BTG4: variants seen among roughly 807,000 people sequenced by gnomAD.
The protein encoded by BTG4 is BTG anti-proliferation factor 4.
Under a neutral mutation model 19.3 loss-of-function variants are expected in BTG4, and 10 were observed. The ratio of observed to expected loss-of-function variants is 0.52; its 90% confidence interval spans 0.32 to 0.88. The LOEUF is 0.88. Ranked by LOEUF, BTG4 falls within the 40% of genes least tolerant of loss-of-function variation. The probability of loss-of-function intolerance (pLI) is 0.04; values close to 1 mark genes in which losing one functional copy is unlikely to be tolerated. For synonymous variants in BTG4, 91 were observed against 95.7 expected (o/e 0.95, Z 0.29); for missense variants, 238 against 281.9 (o/e 0.84, Z 1.11).
intron 5 of BTG4, among the ~76,000 whole-genome samples, chr11:111,477,706 T>G (rs2135558131): frequency 6.6e-6 from 1 of 151,994 alleles, no homozygotes; most frequent in Non-Finnish European, 1.5e-5. Context: ...ATTCCAGACT[T>G]GGAAATAAAG....
At chr11:111,423,616 C>T in the BTG4 span, among the ~76,000 whole-genome samples, 1 of 152,228 alleles carries the variant, frequency 6.6e-6, no homozygotes, top group Non-Finnish European at 1.5e-5. Context: ...AAGCTGACAA[C>T]TTCCAAAGGA....
the BTG4 span, among the ~76,000 whole-genome samples, chr11:111,399,681 T>A: frequency 1.3e-5 from 2 of 152,170 alleles, no homozygotes; most frequent in Non-Finnish European, 2.9e-5. Context: ...AGGGAATTGA[T>A]CTCCTTGTTC....
the BTG4 span, among the ~76,000 whole-genome samples, chr11:111,441,915 C>G: frequency 1.3e-5 from 2 of 151,608 alleles, no homozygotes; most frequent in South Asian, 4.2e-4. Flanking sequence ...AAAAATTAGC[C>G]AGGCATGGTG....
downstream of BTG4, chr11:111,494,801 A>T (rs1410001648): frequency 1.2e-6 from 1 of 839,824 alleles, no homozygotes; most frequent in Non-Finnish European, 1.4e-6. Flanking sequence ...CTTGCAACAA[A>T]CTGAACTAAG....
downstream of BTG4, chr11:111,466,612 T>A (rs556719966): frequency 1.3e-5 from 2 of 152,238 alleles, no homozygotes; most frequent in African/African-American, 4.8e-5. Flanking sequence ...GGTGGGTGGA[T>A]GGATGGATGG....
At chr11:111,496,546 T>C (rs1002493766) in intron 4 of BTG4, 3 of 152,218 alleles carry the variant, frequency 2.0e-5, no homozygotes, top group African/African-American at 4.8e-5. Flanking sequence ...TAACATTTAA[T>C]ACATAGGTGA....
chr11:111,495,479 T>C (rs1465835757), intron 4 of BTG4, among the ~76,000 whole-genome samples, 165 bp from the exon 5 acceptor site: 3 of 152,206 alleles, frequency 2.0e-5, no homozygotes, highest in African/African-American at 7.2e-5. Flanking sequence ...GGCGGGAACA[T>C]AAATCACTTT....
At chr11:111,406,727 G>A in the BTG4 span, among the ~76,000 whole-genome samples, 2 of 152,330 alleles carry the variant, frequency 1.3e-5, no homozygotes, top group African/African-American at 4.8e-5. Context: ...AGCCACTGAA[G>A]AGCTAGTACA....
chr11:111,484,599 C>T (rs1422445590), intron 5 of BTG4, among the ~76,000 whole-genome samples: 1 of 151,942 alleles, frequency 6.6e-6, no homozygotes, highest in African/African-American at 2.4e-5. Context: ...TTAATAAATG[C>T]TATTTGCAAG....
chr11:111,459,239 CA>C, the BTG4 span, among the ~76,000 whole-genome samples: 6,278 of 139,946 alleles, frequency 0.045, 120 homozygotes, highest in African/African-American at 0.051. Context: ...GATTCCGTCT[CA>C]AAAAAAAAAA....
At chr11:111,388,287 TGG>T in the BTG4 span, among the ~76,000 whole-genome samples, 2 of 140,626 alleles carry the variant, frequency 1.4e-5, no homozygotes, top group Admixed American at 6.9e-5. Flanking sequence ...CTCAGTTGGT[TGG>T]TTGGTTGGTT....
At chr11:111,456,781 G>A in the BTG4 span, 1 of 286,092 alleles carries the variant, frequency 3.5e-6, no homozygotes, top group Non-Finnish European at 7.3e-6. This position sits in a 1 kb window ranked among gnomAD's most constrained non-coding sequence, Gnocchi z 4.2. Flanking sequence ...TCAGCTCTGG[G>A]CTTCAGAGAT....
chr11:111,453,326 C>A, the BTG4 span: 1 of 370,082 alleles, frequency 2.7e-6, no homozygotes, highest in Non-Finnish European at 5.5e-6. Context: ...GAAGTGCGAC[C>A]TGTTTCCTTT....
the BTG4 span, among the ~76,000 whole-genome samples, chr11:111,439,450 G>A: frequency 2.0e-5 from 3 of 151,848 alleles, no homozygotes; most frequent in African/African-American, 7.3e-5. Flanking sequence ...ACCAGCCCAA[G>A]GACTGCTACA....
chr11:111,509,552 C>T (rs1356381325), intron 1 of BTG4, among the ~76,000 whole-genome samples: 1 of 151,716 alleles, frequency 6.6e-6, no homozygotes, highest in Non-Finnish European at 1.5e-5. Context: ...AAAAATTAGC[C>T]AGGCATGGTG....
chr11:111,492,657 G>A (rs538459024), downstream of BTG4, among the ~76,000 whole-genome samples: 171 of 152,292 alleles, frequency 1.1e-3, no homozygotes, highest in Middle Eastern at 3.4e-3. Context: ...AGTCTATTGG[G>A]AGGATACTGA....
chr11:111,480,850 A>G (rs1369215295), intron 5 of BTG4, among the ~76,000 whole-genome samples: 1 of 151,658 alleles, frequency 6.6e-6, no homozygotes, highest in Admixed American at 6.6e-5. Flanking sequence ...AAAAGAGGGA[A>G]AGTGTCAATT....
chr11:111,493,889 C>T (rs1292072935), downstream of BTG4, among the ~76,000 whole-genome samples: 1 of 152,178 alleles, frequency 6.6e-6, no homozygotes, highest in Non-Finnish European at 1.5e-5. Context: ...CTCCCTCCCC[C>T]TTCATCAGCA....
intron 5 of BTG4, among the ~76,000 whole-genome samples, chr11:111,479,912 C>T (rs1165657831): frequency 2.0e-5 from 3 of 151,694 alleles, no homozygotes; most frequent in Non-Finnish European, 4.4e-5. Context: ...TTCAAGTAAC[C>T]CACAAGAAGG....
Sources: allele counts gnomAD v4.1 joint callset (sites outside exome capture counted in the v4.1 genomes callset), GRCh38; gene constraint gnomAD v4.1.1; non-coding constraint Gnocchi (gnomAD v3.1); transcripts MANE v1.5; gene names NCBI Gene and HGNC (gene_info 2026-07-23, HGNC 2026-07-21).